Variants in DIS3L2 observed in about 807,000 individuals in gnomAD.
The protein encoded by DIS3L2 is DIS3 like 3'-5' exoribonuclease 2.
Under a neutral mutation model 97.5 loss-of-function variants are expected in DIS3L2, and 34 were observed. The observed-to-expected ratio is 0.35, with a 90% CI of 0.27 to 0.46. The LOEUF (loss-of-function observed/expected upper bound fraction) is 0.46. DIS3L2 is among the 20% of genes least tolerant of loss of function. DIS3L2 has a pLI of 1.00. For synonymous variants in DIS3L2, 435 were observed against 445.2 expected (o/e 0.98, Z 0.29); for missense variants, 1,038 against 1,146.0 (o/e 0.91, Z 1.36).
intron 5 of DIS3L2, among the ~76,000 whole-genome samples, chr2:232,060,804 A>G (rs1695682694): frequency 6.6e-6 from 1 of 152,080 alleles, no homozygotes; most frequent in Non-Finnish European, 1.5e-5. Context: ...ATATCTTTCC[A>G]TTTTTTGTGT....
intron 1 of DIS3L2, among the ~76,000 whole-genome samples, chr2:231,984,313 T>G (rs1367909094): frequency 6.6e-5 from 10 of 151,790 alleles, no homozygotes; most frequent in African/African-American, 2.2e-4. Flanking sequence ...TTTTATTTTA[T>G]TTTTTGAGAT....
At chr2:232,114,658 A>C (rs1350633530) in intron 6 of DIS3L2, among the ~76,000 whole-genome samples, 1 of 152,180 alleles carries the variant, frequency 6.6e-6, no homozygotes, top group Non-Finnish European at 1.5e-5. Context: ...TGATTGAATT[A>C]CCCGAAGTAA....
chr2:232,320,852 C>G (rs996331059), intron 14 of DIS3L2, among the ~76,000 whole-genome samples: 1 of 152,182 alleles, frequency 6.6e-6, no homozygotes, highest in South Asian at 2.1e-4. Context: ...CCTTCCCCAC[C>G]CAACAGCCTA....
chr2:232,134,698 GAC>G (rs1370367912), intron 7 of DIS3L2, among the ~76,000 whole-genome samples: 2 of 152,128 alleles, frequency 1.3e-5, no homozygotes, highest in Admixed American at 1.3e-4. Flanking sequence ...GGTGACTGGT[GAC>G]ACACACCTGT....
chr2:232,302,226 G>A (rs1694875517), intron 14 of DIS3L2, among the ~76,000 whole-genome samples: 1 of 151,862 alleles, frequency 6.6e-6, no homozygotes, highest in African/African-American at 2.4e-5. Flanking sequence ...ATCATACACC[G>A]GGGCCTGTAG....
chr2:232,248,818 A>G (rs539163833), intron 11 of DIS3L2, among the ~76,000 whole-genome samples: 20 of 152,354 alleles, frequency 1.3e-4, no homozygotes, highest in South Asian at 1.0e-3. Context: ...TGATTCAACA[A>G]TAACAATAGC....
chr2:232,270,939 C>G (rs1693993584), intron 13 of DIS3L2, among the ~76,000 whole-genome samples: 1 of 151,358 alleles, frequency 6.6e-6, no homozygotes. Context: ...CTCTCTCTCT[C>G]TGTCTCTCTC....
Position 232,146,635 on chromosome 2 carries a change from A to G in DIS3L2, c.950+9916A>G, listed in dbSNP as rs534769021. ...ACAAAAAGGGAGACCCTGTCTGCCA[A>G]CAATGCTATTGACTACAGTCACCAG... is the stretch of plus-strand genomic sequence containing the variant. On this transcript the variant is annotated intron_variant, in intron 8 of 20. Coordinates refer to ENST00000325385, the MANE Select transcript of DIS3L2 (RefSeq NM_152383.5). Among the ~76,000 whole-genome samples, 7 of 152,272 alleles carry G rather than the reference A, an allele frequency of 4.6e-5. No homozygotes were observed. In the South Asian group the frequency reaches 1.5e-3, roughly 32 times the overall value.
chr2:232,086,796 C>G (rs1281374298), intron 5 of DIS3L2, among the ~76,000 whole-genome samples: 2 of 150,432 alleles, frequency 1.3e-5, no homozygotes, highest in African/African-American at 4.9e-5. Flanking sequence ...TCTCCTGCCT[C>G]AGCCTCCCAA....
intron 9 of DIS3L2, among the ~76,000 whole-genome samples, chr2:232,166,470 A>G (rs903484715): frequency 6.6e-6 from 1 of 152,218 alleles, no homozygotes; most frequent in Non-Finnish European, 1.5e-5. Context: ...CAACGCCTGT[A>G]ATCCTAGCAC....
intron 5 of DIS3L2, among the ~76,000 whole-genome samples, chr2:232,066,738 C>A (rs1695865479): frequency 6.6e-6 from 1 of 151,834 alleles, no homozygotes; most frequent in Non-Finnish European, 1.5e-5. Flanking sequence ...GTTTAAATTT[C>A]TTTATTGATA....
At chr2:232,121,796 T>C (rs569887586) in intron 6 of DIS3L2, among the ~76,000 whole-genome samples, 15 of 152,128 alleles carry the variant, frequency 9.9e-5, no homozygotes, top group Non-Finnish European at 1.8e-4. Context: ...AGCTCTGTTA[T>C]AAGGAAATCA....
chr2:232,109,466 A>T (rs13431818), intron 6 of DIS3L2, among the ~76,000 whole-genome samples: 2,017 of 152,216 alleles, frequency 0.013, 33 homozygotes, highest in African/African-American at 0.045. Flanking sequence ...AATAAATAAA[A>T]AAAAATAAAA....
At chr2:232,161,501 C>T (rs141059988) in intron 8 of DIS3L2, among the ~76,000 whole-genome samples, 72 of 152,294 alleles carry the variant, frequency 4.7e-4, no homozygotes, top group African/African-American at 1.5e-3. Context: ...GATAGCATCT[C>T]GCTCTGTCGC....
intron 13 of DIS3L2, among the ~76,000 whole-genome samples, chr2:232,285,737 C>T (rs181789438): frequency 6.7e-6 from 1 of 149,990 alleles, no homozygotes; most frequent in African/African-American, 2.5e-5. Context: ...TCAGTTCCCT[C>T]ACCTTTAAGA....
intron 6 of DIS3L2, among the ~76,000 whole-genome samples, chr2:232,099,979 A>G (rs937041686): frequency 6.6e-6 from 1 of 152,024 alleles, no homozygotes; most frequent in Non-Finnish European, 1.5e-5. Flanking sequence ...TTGCTCATCA[A>G]GGGTCTTATC....
chr2:232,331,124 G>T (rs1695724557), intron 16 of DIS3L2, among the ~76,000 whole-genome samples: 1 of 152,236 alleles, frequency 6.6e-6, no homozygotes, highest in African/African-American at 2.4e-5. Context: ...GGAACACTCC[G>T]CAGCCTCCAT....
At chr2:232,020,469 G>T (rs970591243) in intron 3 of DIS3L2, among the ~76,000 whole-genome samples, 1 of 152,190 alleles carries the variant, frequency 6.6e-6, no homozygotes, top group Non-Finnish European at 1.5e-5. Context: ...AGGTGAGGCA[G>T]AGGGAGGCAT....
chr2:232,135,623 C>T (rs965796112), intron 7 of DIS3L2, among the ~76,000 whole-genome samples: 1 of 152,078 alleles, frequency 6.6e-6, no homozygotes, highest in Non-Finnish European at 1.5e-5. Context: ...AGGTGCTTTC[C>T]TGTGGGGTAG....
Sources: gnomAD v4.1 joint callset for allele counts (sites outside exome capture counted in the v4.1 genomes callset) on GRCh38, gnomAD v4.1.1 for gene constraint, MANE v1.5 for transcripts, NCBI Gene and HGNC (gene_info 2026-07-23, HGNC 2026-07-21) for gene names.